The following C11orf65 variants were observed in gnomAD, a reference collection of about 807,000 sequenced individuals.
C11orf65 encodes chromosome 11 open reading frame 65.
Under a neutral mutation model 35.3 loss-of-function variants are expected in C11orf65, and 38 were observed. The observed-to-expected ratio is 1.08, with a 90% CI of 0.83 to 1.41. The LOEUF is 1.41. Ranked by LOEUF, C11orf65 falls within the 40% of genes most tolerant of loss-of-function variation. The pLI is 0.00. For synonymous variants in C11orf65, 105 were observed against 114.4 expected, an observed-to-expected ratio of 0.92 and a Z score of 0.53; for missense variants, 370 against 367.1, an observed-to-expected ratio of 1.01 and a Z score of -0.06.
chr11:108,408,694 A>AAAATAAAATAAAAT (rs1565659902), intron 3 of C11orf65, among the ~76,000 whole-genome samples: 1,804 of 106,368 alleles, frequency 0.017, 67 homozygotes, highest in African/African-American at 0.068. Context: ...AAAATAAAAT[A>AAAATAAAATAAAAT]AAATAAAATA....
At chr11:108,336,809 G>A (rs2086907983) in intron 2 of C11orf65, among the ~76,000 whole-genome samples, 1 of 152,096 alleles carries the variant, frequency 6.6e-6, no homozygotes, top group African/African-American at 2.4e-5. Flanking sequence ...ACAATCCTCA[G>A]TCACATTCTA....
intron 2 of C11orf65, among the ~76,000 whole-genome samples, chr11:108,369,341 C>T (rs940763412): frequency 6.6e-6 from 1 of 152,002 alleles, no homozygotes; most frequent in Non-Finnish European, 1.5e-5. Context: ...CGCCTCCTGA[C>T]GAAAAGGCAA....
chr11:108,421,474 G>A (rs1327748199), intron 3 of C11orf65, among the ~76,000 whole-genome samples: 2 of 152,106 alleles, frequency 1.3e-5, no homozygotes, highest in African/African-American at 4.8e-5. Flanking sequence ...TGACCAACAT[G>A]GTGAAACCCT....
At chr11:108,439,417 T>G (rs1455679565) in intron 2 of C11orf65, among the ~76,000 whole-genome samples, 1 of 152,194 alleles carries the variant, frequency 6.6e-6, no homozygotes, top group African/African-American at 2.4e-5. Flanking sequence ...GTGGTAAAGT[T>G]TGGCAGTTCC....
chr11:108,438,183 C>T (rs1565695985), intron 2 of C11orf65, among the ~76,000 whole-genome samples: 2 of 152,136 alleles, frequency 1.3e-5, no homozygotes, highest in African/African-American at 4.8e-5. Flanking sequence ...GTATCCGTGA[C>T]AATTATATAC....
intron 3 of C11orf65, among the ~76,000 whole-genome samples, chr11:108,418,493 T>A (rs2092772368): frequency 6.6e-6 from 1 of 152,106 alleles, no homozygotes. Context: ...TATCAAAACT[T>A]GTAAGCTGCA....
chr11:108,374,722 G>C (rs1019054628), intron 2 of C11orf65, among the ~76,000 whole-genome samples: 2 of 152,148 alleles, frequency 1.3e-5, no homozygotes, highest in Admixed American at 6.5e-5. Context: ...CAAAGGCAAA[G>C]AAGTTGAAAA....
At chr11:108,444,048 A>T (rs905776583) in intron 2 of C11orf65, among the ~76,000 whole-genome samples, 8 of 152,210 alleles carry the variant, frequency 5.3e-5, no homozygotes, top group African/African-American at 1.7e-4. Flanking sequence ...TTTTAAAAAG[A>T]TCAACAAAAT....
chr11:108,451,593 T>C (rs1384610530), intron 2 of C11orf65, among the ~76,000 whole-genome samples: 1 of 152,122 alleles, frequency 6.6e-6, no homozygotes. Context: ...AGGTAATTTA[T>C]AGATTCAATG....
chr11:108,387,489 A>C (rs1006652409), intron 7 of C11orf65, among the ~76,000 whole-genome samples: 17 of 152,040 alleles, frequency 1.1e-4, no homozygotes, highest in African/African-American at 4.1e-4. Flanking sequence ...GTGCTCCTGA[A>C]GTTTTTTGCA....
rs551205907 is a variant in C11orf65, at chr11:108,426,508, C to T, written c.174+5238G>A. Reference sequence around the variant, plus strand: ...TCAAGGAAATAAGAGAGGACACAAACAAATGGAAAAACATTCCATGCTCAT... The same window carrying T: ...TCAAGGAAATAAGAGAGGACACAAATAAATGGAAAAACATTCCATGCTCAT... On this transcript the variant is annotated intron_variant, in intron 3 of 8. Transcript: ENST00000393084. 6.8e-4 allele frequency among the ~76,000 whole-genome samples: 103 copies of T among 152,240 alleles called. 1 individual carries two copies. Among genetic ancestry groups the T allele is most frequent in the African/African-American group, 2.4e-3 (100 of 41,550 alleles).
At chr11:108,335,745 G>A (rs928733045) in intron 2 of C11orf65, 3 of 824,428 alleles carry the variant, frequency 3.6e-6, no homozygotes, top group African/African-American at 3.4e-5. Context: ...GTGCACAGAT[G>A]CTCAGATTGG....
chr11:108,346,512 TTAACTAAAGAC>T (rs1306183316), intron 2 of C11orf65: 1 of 152,186 alleles, frequency 6.6e-6, no homozygotes, highest in East Asian at 1.9e-4. Context: ...TTTTTTTTTT[TTAACTAAAGAC>T]AACTCCCTCC....
Position 108,431,802 on chromosome 11 carries a change from C to T in C11orf65, c.118G>A (p.Asp40Asn), listed in dbSNP as rs1459736153. 6.5e-7 allele frequency: 1 copy of T among 1,527,066 alleles called. No homozygotes were observed. The highest frequency in any genetic ancestry group is 8.9e-7 in the Non-Finnish European group (1 of 1,123,050). The allele number at this position is 1,527,066 out of a possible 1,614,324, so 94.6% of individuals were successfully genotyped here. A position where few individuals can be genotyped will look rare whatever the true frequency, so the allele number is the denominator to read the frequency against. ...CGTGGTTCTCCTTGTCTTCTTAAAT[C>T]AATCAGACTTTTAAAGTGTTGAAAT... ...AIFQHFKSLI[D>N]LRRQGEPRQI... Residue 40 changes from aspartate to asparagine, a missense_variant, in exon 3 of 9, where the codon GAT becomes AAT. Asp to Asn is a conservative substitution (Grantham distance 23). Transcript: ENST00000393084.
intron 6 of C11orf65, among the ~76,000 whole-genome samples, chr11:108,399,799 A>G (rs2092403342): frequency 1.3e-5 from 2 of 152,180 alleles, no homozygotes; most frequent in African/African-American, 4.8e-5. Context: ...AGGTCAGTCC[A>G]TGATCATAGC....
chr11:108,346,277 C>T (rs1390512951), intron 2 of C11orf65, among the ~76,000 whole-genome samples: 2 of 151,820 alleles, frequency 1.3e-5, no homozygotes, highest in African/African-American at 4.8e-5. Flanking sequence ...TATTTTTGTT[C>T]TTTTGCATAT....
intron 3 of C11orf65, among the ~76,000 whole-genome samples, chr11:108,412,304 T>A (rs1158172782): frequency 6.7e-6 from 1 of 150,102 alleles, no homozygotes; most frequent in Non-Finnish European, 1.5e-5. Context: ...AGTGAAGGAA[T>A]ACAGAGAAAA....
chr11:108,391,725 C>CA (rs2092165767), intron 7 of C11orf65, among the ~76,000 whole-genome samples: 2 of 151,640 alleles, frequency 1.3e-5, no homozygotes, highest in African/African-American at 4.9e-5. Flanking sequence ...AGAGACCCTG[C>CA]ACCCCATAGC....
At chr11:108,468,072 TC>T (rs545018103), upstream of C11orf65, among the ~76,000 whole-genome samples, 4 of 151,980 alleles carry the variant, frequency 2.6e-5, no homozygotes, top group South Asian at 2.1e-4. Flanking sequence ...GCTCCAGCGA[TC>T]CCCCCCTACC....
Sources: gnomAD v4.1 joint callset for allele counts (sites outside exome capture counted in the v4.1 genomes callset) on GRCh38, gnomAD v4.1.1 for gene constraint, MANE v1.5 for transcripts, NCBI Gene and HGNC (gene_info 2026-07-23, HGNC 2026-07-21) for gene names.